Variants in ITGA9 observed in about 807,000 individuals in gnomAD.
The protein encoded by ITGA9 is integrin alpha-9.
In ITGA9, 56 loss-of-function variants were observed where a neutral mutation model predicts 127.8. That is an observed-to-expected ratio of 0.44 (90% CI 0.35 to 0.55). ITGA9 has a LOEUF of 0.55. ITGA9 is among the 20% of genes least tolerant of loss of function. The pLI, the probability that ITGA9 is intolerant of heterozygous loss-of-function variation, is 0.00. For missense variants in ITGA9, 1,196 were observed against 1,347.1 expected (o/e 0.89, Z 1.76); for synonymous variants, 508 against 514.5 (o/e 0.99, Z 0.17).
At chr3:37,675,102 G>T (rs1700668826) in intron 17 of ITGA9, among the ~76,000 whole-genome samples, 1 of 152,152 alleles carries the variant, frequency 6.6e-6, no homozygotes, top group Admixed American at 6.5e-5. Context: ...GTGCTATGCT[G>T]GTATGCAGCT....
chr3:37,541,443 A>G (rs9862700), intron 14 of ITGA9, among the ~76,000 whole-genome samples: 6,145 of 152,336 alleles, frequency 0.04, 404 homozygotes, highest in African/African-American at 0.14. Context: ...TCATATTTCT[A>G]TAATGAAATA....
intron 23 of ITGA9, among the ~76,000 whole-genome samples, chr3:37,775,373 G>A (rs1465281968): frequency 6.6e-6 from 1 of 152,138 alleles, no homozygotes; most frequent in South Asian, 2.1e-4. Flanking sequence ...GGCCTGGTGC[G>A]GTGGCTCATG....
chr3:37,642,344 G>A (rs1700341773), intron 16 of ITGA9, among the ~76,000 whole-genome samples: 1 of 152,210 alleles, frequency 6.6e-6, no homozygotes, highest in African/African-American at 2.4e-5. Flanking sequence ...CCCAGTGAGG[G>A]AAGGGATCTA....
chr3:37,570,548 A>T (rs768644642), intron 15 of ITGA9, among the ~76,000 whole-genome samples: 1 of 152,154 alleles, frequency 6.6e-6, no homozygotes. Flanking sequence ...TTCATTATTC[A>T]TCTAATAAAG....
intron 15 of ITGA9, among the ~76,000 whole-genome samples, chr3:37,589,134 T>G (rs996457621): frequency 6.6e-6 from 1 of 152,190 alleles, no homozygotes; most frequent in Non-Finnish European, 1.5e-5. Context: ...TAGGTAGAGT[T>G]GTGTAGGTGG....
chr3:37,496,551 C>G (rs78740886), intron 5 of ITGA9, among the ~76,000 whole-genome samples: 1 of 152,228 alleles, frequency 6.6e-6, no homozygotes, highest in African/African-American at 2.4e-5. Context: ...CGGAATCCTT[C>G]TGCCGTCTTG....
intron 16 of ITGA9, among the ~76,000 whole-genome samples, chr3:37,633,513 T>C (rs1700246882): frequency 6.6e-6 from 1 of 152,214 alleles, no homozygotes; most frequent in Non-Finnish European, 1.5e-5. Context: ...ATGTAATGTA[T>C]TGAACACTAT....
intron 15 of ITGA9, among the ~76,000 whole-genome samples, chr3:37,623,944 T>C (rs939610724): frequency 6.6e-6 from 1 of 152,036 alleles, no homozygotes; most frequent in African/African-American, 2.4e-5. Context: ...AAGATTATCA[T>C]AGGTGAAAGT....
chr3:37,625,311 G>T (rs1330555614), intron 15 of ITGA9, among the ~76,000 whole-genome samples: 1 of 152,172 alleles, frequency 6.6e-6, no homozygotes, highest in Non-Finnish European at 1.5e-5. Flanking sequence ...TTCCCTGAAG[G>T]TCTTTCATCT....
intron 4 of ITGA9, among the ~76,000 whole-genome samples, chr3:37,484,920 A>G (rs1698593810): frequency 6.6e-6 from 1 of 152,356 alleles, no homozygotes; most frequent in African/African-American, 2.4e-5. Context: ...TGCCATGTAC[A>G]ACATACTGTA....
At chr3:37,618,629 C>T (rs1177769945) in intron 15 of ITGA9, among the ~76,000 whole-genome samples, 1 of 152,222 alleles carries the variant, frequency 6.6e-6, no homozygotes, top group East Asian at 1.9e-4. Flanking sequence ...GCTTCTCAGC[C>T]ACTTTGTTAA....
At chr3:37,564,065 A>C (rs1194422405) in intron 15 of ITGA9, among the ~76,000 whole-genome samples, 1 of 152,250 alleles carries the variant, frequency 6.6e-6, no homozygotes, top group Non-Finnish European at 1.5e-5. Flanking sequence ...CAGGCTTTTT[A>C]TTGCAGGACT....
chr3:37,680,500 G>C (rs950572021), intron 17 of ITGA9, among the ~76,000 whole-genome samples: 3 of 152,136 alleles, frequency 2.0e-5, no homozygotes, highest in African/African-American at 4.8e-5. Flanking sequence ...AGTGACAGAG[G>C]CCCAAGGTTT....
chr3:37,657,696 G>A (rs1163522125), intron 17 of ITGA9, among the ~76,000 whole-genome samples: 6 of 148,514 alleles, frequency 4.0e-5, no homozygotes, highest in African/African-American at 1.5e-4. Context: ...ATCTCCTTCA[G>A]TTCTGTTCTG....
chr3:37,745,417 C>T (rs1464880288), intron 22 of ITGA9: 1 of 152,220 alleles, frequency 6.6e-6, no homozygotes. Flanking sequence ...TGAACAGCAC[C>T]TCTGCATTTC....
intron 5 of ITGA9, among the ~76,000 whole-genome samples, chr3:37,497,481 T>C (rs910515347): frequency 2.6e-5 from 4 of 152,232 alleles, no homozygotes; most frequent in Admixed American, 6.5e-5. Context: ...TTTATACTTA[T>C]ATTTTCAATA....
chr3:37,750,349 C>A, intron 22 of ITGA9, 113 bp from the exon 23 acceptor site: 1 of 750,612 alleles, frequency 1.3e-6, no homozygotes, highest in Non-Finnish European at 2.4e-6. Context: ...CAGATCCGAA[C>A]CTTAGAGTTT....
At chr3:37,713,352 C>T (rs1701099006) in intron 18 of ITGA9, among the ~76,000 whole-genome samples, 2 of 152,100 alleles carry the variant, frequency 1.3e-5, no homozygotes, top group Admixed American at 6.5e-5. Context: ...TGTCATTTTT[C>T]AGCAGTTAAA....
chr3:37,570,360 C>T (rs1307870778), intron 15 of ITGA9, among the ~76,000 whole-genome samples: 6 of 152,288 alleles, frequency 3.9e-5, no homozygotes, highest in South Asian at 4.2e-4. Context: ...GGAATAATGC[C>T]GTCGTTAACT....
Sources: allele counts gnomAD v4.1 joint callset (sites outside exome capture counted in the v4.1 genomes callset), GRCh38; gene constraint gnomAD v4.1.1; transcripts MANE v1.5; gene names NCBI Gene and HGNC (gene_info 2026-07-23, HGNC 2026-07-21).